The following ADGRL2 variants were observed in gnomAD, a reference collection of about 807,000 sequenced individuals.
ADGRL2 encodes calcium-independent alpha-latrotoxin receptor 2.
Under a neutral mutation model 157.4 loss-of-function variants are expected in ADGRL2, and 44 were observed. The ratio of observed to expected loss-of-function variants is 0.28; its 90% CI spans 0.22 to 0.36. The LOEUF is 0.36. ADGRL2 is among the 10% of genes least tolerant of loss of function. ADGRL2 has a pLI of 1.00. For synonymous variants in ADGRL2, 585 were observed against 624.7 expected, an observed-to-expected ratio of 0.94 and a Z score of 0.95; for missense variants, 1,510 against 1,768.9, an observed-to-expected ratio of 0.85 and a Z score of 2.63.
chr1:81,460,302 G>A (rs1312761084), intron 2 of ADGRL2, among the ~76,000 whole-genome samples: 3 of 150,946 alleles, frequency 2.0e-5, no homozygotes, highest in Admixed American at 1.3e-4. Flanking sequence ...GAAGTGATTG[G>A]GTTGATATCT....
intron 1 of ADGRL2, among the ~76,000 whole-genome samples, chr1:81,386,334 G>A (rs2076434712): frequency 6.6e-6 from 1 of 152,168 alleles, no homozygotes; most frequent in South Asian, 2.1e-4. Flanking sequence ...TCCTTGGTGT[G>A]TGGTAAGGTA....
chr1:81,557,482 G>GAAAGAAAGAAAGAAGAAAGAAAGAAAGA (rs370696204), intron 2 of ADGRL2: 1 of 119,968 alleles, frequency 8.3e-6, no homozygotes, highest in African/African-American at 3.1e-5. Flanking sequence ...AAGAAAGAAA[G>GAAAGAAAGAAAGAAGAAAGAAAGAAAGA]AAGAAAGAAA....
intron 21 of ADGRL2, 56 bp from the exon 22 acceptor site, chr1:81,986,845 A>C (rs1383819867): frequency 6.4e-7 from 1 of 1,561,936 alleles, no homozygotes; most frequent in Non-Finnish European, 8.7e-7. Context: ...TAACACTAAA[A>C]TAAGAAACTG....
intron 2 of ADGRL2, among the ~76,000 whole-genome samples, chr1:81,487,106 A>AAAAAAG (rs1557727624): frequency 6.9e-6 from 1 of 144,004 alleles, no homozygotes; most frequent in Admixed American, 7.1e-5. Flanking sequence ...AAAAAAAAAA[A>AAAAAAG]AAAGAAAGTA....
chr1:81,507,271 C>T (rs1181361947), intron 2 of ADGRL2, among the ~76,000 whole-genome samples: 1 of 152,014 alleles, frequency 6.6e-6, no homozygotes, highest in Non-Finnish European at 1.5e-5. Flanking sequence ...AGCCCCTCAG[C>T]ACTTTCTCCT....
At chr1:81,634,107 A>G (rs191190210) in intron 3 of ADGRL2, among the ~76,000 whole-genome samples, 1 of 152,318 alleles carries the variant, frequency 6.6e-6, no homozygotes, top group East Asian at 1.9e-4. Flanking sequence ...AGAAGAATCA[A>G]AAGAAAGTGG....
chr1:81,590,794 C>T (rs2081117513), intron 3 of ADGRL2, among the ~76,000 whole-genome samples: 1 of 151,938 alleles, frequency 6.6e-6, no homozygotes, highest in African/African-American at 2.4e-5. Context: ...TCATGTGACC[C>T]ATTACTTTTT....
At chr1:81,888,504 A>G (rs548246681) in intron 2 of ADGRL2, among the ~76,000 whole-genome samples, 55 of 152,114 alleles carry the variant, frequency 3.6e-4, no homozygotes, top group African/African-American at 9.9e-4. Context: ...CAGTGGTGCA[A>G]TCTCGCTCAC....
intron 2 of ADGRL2, chr1:81,504,950 G>A (rs1437555230): frequency 9.7e-6 from 3 of 310,224 alleles, no homozygotes; most frequent in Non-Finnish European, 1.8e-5. Context: ...TGATTCGCTT[G>A]CGGCTCACCT....
chr1:81,561,366 T>A (rs192789211), intron 2 of ADGRL2, among the ~76,000 whole-genome samples: 1 of 152,094 alleles, frequency 6.6e-6, no homozygotes, highest in African/African-American at 2.4e-5. Context: ...ACTGTAAGAT[T>A]TCTCTTTTTT....
At chr1:81,369,793 C>T (rs111926080) in intron 1 of ADGRL2, among the ~76,000 whole-genome samples, 2 of 152,142 alleles carry the variant, frequency 1.3e-5, no homozygotes, top group African/African-American at 4.8e-5. Flanking sequence ...CATTAATTTG[C>T]ATGAAGCACT....
intron 3 of ADGRL2, chr1:81,596,249 C>T: frequency 1.7e-6 from 1 of 580,024 alleles, no homozygotes; most frequent in Non-Finnish European, 3.3e-6. Context: ...CAATGAGTCG[C>T]TTGTGGATTC....
At chr1:81,328,271 C>G (rs1661034112) in intron 1 of ADGRL2, among the ~76,000 whole-genome samples, 1 of 152,188 alleles carries the variant, frequency 6.6e-6, no homozygotes, top group South Asian at 2.1e-4. Flanking sequence ...ATCCAGAGAA[C>G]AGTAAATTTA....
At chr1:81,542,652 G>A (rs944151525) in intron 2 of ADGRL2, among the ~76,000 whole-genome samples, 3 of 152,108 alleles carry the variant, frequency 2.0e-5, no homozygotes, top group African/African-American at 7.2e-5. Flanking sequence ...TGTGGGAAGA[G>A]GGCATAAAAT....
chr1:81,955,796 C>G, intron 10 of ADGRL2, 81 bp from the exon 11 acceptor site: 1 of 794,782 alleles, frequency 1.3e-6, no homozygotes, highest in Non-Finnish European at 2.0e-6. Context: ...ATAAATATTA[C>G]AATTGTCACT....
intron 2 of ADGRL2, among the ~76,000 whole-genome samples, chr1:81,789,701 C>CAAAAA (rs34269882): frequency 2.1e-4 from 19 of 88,460 alleles, no homozygotes; most frequent in East Asian, 7.1e-4. Context: ...GTCTCCGTCT[C>CAAAAA]AAAAAAAAAA....
chr1:81,758,226 A>T (rs905234636), intron 1 of ADGRL2, among the ~76,000 whole-genome samples: 4 of 152,164 alleles, frequency 2.6e-5, no homozygotes, highest in African/African-American at 9.7e-5. Context: ...TTAAGTGAAC[A>T]TAGAGTTTGA....
chr1:81,329,654 A>T (rs1353936955), intron 1 of ADGRL2, among the ~76,000 whole-genome samples: 1 of 152,184 alleles, frequency 6.6e-6, no homozygotes, highest in Non-Finnish European at 1.5e-5. Flanking sequence ...TATAAAGTAC[A>T]ATTTTAAAAT....
chr1:81,389,296 T>C (rs1233857887), intron 1 of ADGRL2, among the ~76,000 whole-genome samples: 1 of 152,022 alleles, frequency 6.6e-6, no homozygotes, highest in African/African-American at 2.4e-5. Flanking sequence ...CCAATAGAGA[T>C]TACATTCCAG....
Sources: allele counts gnomAD v4.1 joint callset (sites outside exome capture counted in the v4.1 genomes callset), GRCh38; gene constraint gnomAD v4.1.1; transcripts MANE v1.5; gene names NCBI Gene and HGNC (gene_info 2026-07-23, HGNC 2026-07-21).